Variants in TRMT11 observed in about 807,000 individuals in gnomAD.
TRMT11 encodes tRNA (guanine(10)-N(2))-methyltransferase TRMT11.
A neutral mutation model predicts 62.8 loss-of-function variants in TRMT11; 53 were observed. That is an observed-to-expected ratio of 0.84 (90% CI 0.68 to 1.06). TRMT11 has a LOEUF of 1.06. Among genes scored for constraint, TRMT11 ranks in the 50% least tolerant of loss-of-function variants. The pLI, the probability that TRMT11 is intolerant of heterozygous loss-of-function variation, is 0.00. For synonymous variants in TRMT11, 188 were observed against 190.3 expected (o/e 0.99, Z 0.10); for missense variants, 556 against 553.4 (o/e 1.00, Z -0.05).
rs111415821 is a variant in TRMT11, at chr6:126,120,633, A to G, written c.*1823+4778A>G. 3.5e-3 allele frequency among the ~76,000 whole-genome samples: 532 copies of G among 152,274 alleles called. 4 individuals are homozygous for G. The highest frequency in any genetic ancestry group is 0.012 in the African/African-American group (511 of 41,572). On this transcript the variant is annotated intron_variant and NMD_transcript_variant, in intron 21 of 22. Transcript: ENST00000648977. ...CTGTAATTCTATATAAAATGTCTGC[A>G]TAGAATAACATTTGGCACCTGATGT...
At chr6:126,132,497 A>G (rs1439321570) in intron 21 of TRMT11, among the ~76,000 whole-genome samples, 1 of 152,016 alleles carries the variant, frequency 6.6e-6, no homozygotes. Context: ...ATCATTTCAT[A>G]TTCTGGCCTA....
At chr6:126,266,453 A>G in the TRMT11 span, among the ~76,000 whole-genome samples, 1 of 152,098 alleles carries the variant, frequency 6.6e-6, no homozygotes, top group Non-Finnish European at 1.5e-5. Flanking sequence ...GTGTGTTTTT[A>G]AGCATTTTAA....
intron 21 of TRMT11, among the ~76,000 whole-genome samples, chr6:126,166,659 CT>C (rs1176238566): frequency 2.0e-5 from 3 of 152,242 alleles, no homozygotes; most frequent in African/African-American, 2.4e-5. Flanking sequence ...ATCCACTGCT[CT>C]CTTCAGAGCC....
intron 21 of TRMT11, among the ~76,000 whole-genome samples, chr6:126,123,171 A>G (rs1777669107): frequency 6.6e-6 from 1 of 152,138 alleles, no homozygotes; most frequent in South Asian, 2.1e-4. Flanking sequence ...TGCCTAGTAT[A>G]TAGTAAGCCC....
At chr6:126,107,412 G>C (rs553504271) in intron 17 of TRMT11, among the ~76,000 whole-genome samples, 1 of 152,044 alleles carries the variant, frequency 6.6e-6, no homozygotes, top group Non-Finnish European at 1.5e-5. Context: ...CCCTGACAAG[G>C]TATGAACTGG....
intron 18 of TRMT11, among the ~76,000 whole-genome samples, chr6:126,114,587 G>T (rs528132558): frequency 6.6e-6 from 1 of 152,032 alleles, no homozygotes; most frequent in African/African-American, 2.4e-5. Context: ...GGGAGTTTCC[G>T]CAGTGTACTG....
intron 1 of TRMT11, among the ~76,000 whole-genome samples, chr6:126,185,605 G>A (rs1195305573): frequency 6.6e-6 from 1 of 151,984 alleles, no homozygotes; most frequent in Non-Finnish European, 1.5e-5. Context: ...CTGCTTTCCA[G>A]GGTAAAAGCT....
At chr6:126,193,485 T>C (rs890469475) in intron 1 of TRMT11, among the ~76,000 whole-genome samples, 12 of 148,190 alleles carry the variant, frequency 8.1e-5, no homozygotes, top group African/African-American at 3.0e-4. Context: ...GAGGAGCGTT[T>C]CTGTATTTTT....
chr6:125,995,272 A>G (rs1791317728), intron 2 of TRMT11, among the ~76,000 whole-genome samples: 2 of 152,140 alleles, frequency 1.3e-5, no homozygotes, highest in African/African-American at 4.8e-5. Flanking sequence ...GGGAGGAGGA[A>G]AGGAAGGAGA....
chr6:126,101,801 C>T (rs1777405061), intron 17 of TRMT11, among the ~76,000 whole-genome samples: 1 of 152,202 alleles, frequency 6.6e-6, no homozygotes, highest in Non-Finnish European at 1.5e-5. Context: ...CTATTGGCAT[C>T]TCCGTTTCCC....
intron 21 of TRMT11, among the ~76,000 whole-genome samples, chr6:126,159,809 G>A (rs532689579): frequency 1.1e-4 from 16 of 152,174 alleles, no homozygotes; most frequent in Non-Finnish European, 1.8e-4. Context: ...ACTACAATCT[G>A]CCTCTGTCCT....
intron 12 of TRMT11, among the ~76,000 whole-genome samples, chr6:126,023,203 CTA>C (rs1796076104): frequency 6.6e-6 from 1 of 152,116 alleles, no homozygotes; most frequent in East Asian, 1.9e-4. Context: ...TTCAGAAATT[CTA>C]TAGTTTCCAA....
chr6:126,051,422 C>T (rs1437318641), intron 16 of TRMT11, among the ~76,000 whole-genome samples: 1 of 152,170 alleles, frequency 6.6e-6, no homozygotes, highest in African/African-American at 2.4e-5. Context: ...AAGGGGTTTG[C>T]ATTTCTGCTT....
intron 8 of TRMT11, among the ~76,000 whole-genome samples, chr6:126,010,972 C>T (rs1794085931): frequency 6.6e-6 from 1 of 152,156 alleles, no homozygotes; most frequent in Non-Finnish European, 1.5e-5. Flanking sequence ...TCAACTCTAT[C>T]TTACTACAAA....
At chr6:126,210,476 GT>G in the TRMT11 span, among the ~76,000 whole-genome samples, 1 of 152,164 alleles carries the variant, frequency 6.6e-6, no homozygotes, top group African/African-American at 2.4e-5. Context: ...AAAGAACTCA[GT>G]TTATCCCTGA....
intron 17 of TRMT11, among the ~76,000 whole-genome samples, chr6:126,061,079 G>A (rs1186771217): frequency 1.3e-5 from 2 of 152,186 alleles, no homozygotes; most frequent in South Asian, 2.1e-4. Context: ...TAACAGAAGG[G>A]GAGAATCACA....
chr6:126,269,238 T>G, the TRMT11 span, among the ~76,000 whole-genome samples: 2 of 123,798 alleles, frequency 1.6e-5, no homozygotes, highest in Admixed American at 9.9e-5. Flanking sequence ...CACTCCAGCC[T>G]GGGCGACAGA....
At chr6:126,153,554 AG>A (rs1778083046) in intron 21 of TRMT11, among the ~76,000 whole-genome samples, 1 of 152,248 alleles carries the variant, frequency 6.6e-6, no homozygotes, top group Admixed American at 6.5e-5. Flanking sequence ...ATGACTAAGA[AG>A]ATACTGTCAC....
the TRMT11 span, among the ~76,000 whole-genome samples, chr6:126,262,144 C>T: frequency 6.6e-6 from 1 of 152,188 alleles, no homozygotes; most frequent in Non-Finnish European, 1.5e-5. Context: ...GGCTCTTCCA[C>T]CATACCAGCT....
Sources: gnomAD v4.1 joint callset for allele counts (sites outside exome capture counted in the v4.1 genomes callset) on GRCh38, gnomAD v4.1.1 for gene constraint, MANE v1.5 for transcripts, NCBI Gene and HGNC (gene_info 2026-07-23, HGNC 2026-07-21) for gene names.